CFAP58: variants seen among roughly 807,000 people sequenced by gnomAD.
CFAP58 encodes the protein cilia- and flagella-associated protein 58.
CFAP58 carries 88 observed loss-of-function variants against 119.5 expected under a neutral mutation model. The observed-to-expected ratio is 0.74, with a 90% CI of 0.62 to 0.88. CFAP58 has a LOEUF of 0.88. CFAP58 is among the 40% of genes least tolerant of loss of function. The pLI, the probability that CFAP58 is intolerant of heterozygous loss-of-function variation, is 0.00. For synonymous variants in CFAP58, 365 were observed against 366.3 expected (o/e 1.00, Z 0.04); for missense variants, 990 against 1,021.2 (o/e 0.97, Z 0.42).
intron 7 of CFAP58, 24 bp downstream of exon 7, chr10:104,371,078 C>A: frequency 6.3e-7 from 1 of 1,582,788 alleles, no homozygotes; most frequent in South Asian, 1.2e-5. Flanking sequence ...CGCTTTTATT[C>A]ATTTAGAAAC....
At chr10:104,438,351 T>TG in intron 15 of CFAP58, among the ~76,000 whole-genome samples, 1 of 39,378 alleles carries the variant, frequency 2.5e-5, no homozygotes, top group African/African-American at 1.3e-4. Flanking sequence ...GTTTTTTGTT[T>TG]TTTTTTTTTG....
chr10:104,358,086 CACACATATATATGTACATATAT>C (rs761456865), intron 1 of CFAP58, among the ~76,000 whole-genome samples: 86 of 136,948 alleles, frequency 6.3e-4, no homozygotes, highest in Admixed American at 1.4e-3. Context: ...CATATATATA[CACACATATATATGTACATATAT>C]ACACATATAT....
At chr10:104,432,401 AG>A (rs2012863064) in intron 15 of CFAP58, among the ~76,000 whole-genome samples, 1 of 152,264 alleles carries the variant, frequency 6.6e-6, no homozygotes, top group Admixed American at 6.5e-5. Context: ...AGTAATCAAA[AG>A]AGTGAAAATT....
intron 17 of CFAP58, among the ~76,000 whole-genome samples, chr10:104,451,959 G>A (rs931720858): frequency 6.6e-6 from 1 of 151,110 alleles, no homozygotes; most frequent in Non-Finnish European, 1.5e-5. Context: ...GGCTGGTCTC[G>A]AATTCCTGGC....
At chr10:104,405,929 C>A (rs1421539895) in intron 14 of CFAP58, among the ~76,000 whole-genome samples, 2 of 152,092 alleles carry the variant, frequency 1.3e-5, no homozygotes, top group East Asian at 3.9e-4. Flanking sequence ...TCTAGTGAGA[C>A]CCTGTCTTCA....
At chr10:104,406,084 G>A (rs1314059820) in intron 14 of CFAP58, among the ~76,000 whole-genome samples, 1 of 152,194 alleles carries the variant, frequency 6.6e-6, no homozygotes, top group African/African-American at 2.4e-5. Context: ...GCAACAGAGT[G>A]AGACCCTGTC....
intron 15 of CFAP58, among the ~76,000 whole-genome samples, chr10:104,407,544 CTGATGT>C (rs1048018796): frequency 1.3e-5 from 2 of 152,096 alleles, no homozygotes; most frequent in African/African-American, 4.8e-5. Flanking sequence ...TTCATTGCAC[CTGATGT>C]TCTTAGTCTG....
At chr10:104,451,818 T>C (rs2013199262) in intron 17 of CFAP58, among the ~76,000 whole-genome samples, 1 of 152,122 alleles carries the variant, frequency 6.6e-6, no homozygotes, top group Admixed American at 6.5e-5. Context: ...TCACTCTGTC[T>C]CCGGGGTTGA....
rs17117025 is a variant in CFAP58, at chr10:104,428,675, C to G, written c.2257-19023C>G. On this transcript the variant is annotated intron_variant, in intron 15 of 17. Transcript: ENST00000369704. ...ATAGGAATGCATGTTTGTGGATATG[C>G]CTGGGGATAGTATGTGTGGTTTCAT... Among the ~76,000 whole-genome samples the G allele has an allele frequency of 1.3e-3, 193 of 152,202 alleles. 5 individuals are homozygous for G. The East Asian group carries it at 0.03, about 24-fold the overall frequency.
intron 9 of CFAP58, among the ~76,000 whole-genome samples, chr10:104,389,617 A>C (rs918764716): frequency 1.3e-5 from 2 of 152,178 alleles, no homozygotes; most frequent in East Asian, 1.9e-4. Flanking sequence ...GGTTATATCC[A>C]TTCCTTGATT....
intron 15 of CFAP58, among the ~76,000 whole-genome samples, chr10:104,411,851 T>G (rs557508267): frequency 1.3e-5 from 2 of 152,106 alleles, no homozygotes; most frequent in Non-Finnish European, 2.9e-5. Context: ...CTATTGTATC[T>G]TTTTGCCAAG....
chr10:104,394,166 C>T (rs974452871), intron 11 of CFAP58, among the ~76,000 whole-genome samples: 5 of 152,218 alleles, frequency 3.3e-5, no homozygotes, highest in African/African-American at 1.2e-4. Flanking sequence ...AATAATTATG[C>T]CATTTTAAAT....
At chr10:104,418,188 C>T (rs888905873) in intron 15 of CFAP58, among the ~76,000 whole-genome samples, 3 of 152,162 alleles carry the variant, frequency 2.0e-5, no homozygotes, top group African/African-American at 7.2e-5. Context: ...CTGAATAGCT[C>T]ACAAAGCTGG....
rs1300065314 is a variant in CFAP58, at chr10:104,447,747, C to A, written c.2306C>A (p.Pro769His). 1 of 1,614,082 alleles carries A rather than the reference C, an allele frequency of 6.2e-7. No individual in the cohort carries two copies. Among genetic ancestry groups the A allele is most frequent in the African/African-American group, 1.3e-5 (1 of 74,936 alleles). ...CTAAAGCACGTCTTGGCCCGCCAGCCTGGACCTGAGGCTGCGGAACAGCTG... is the reference window on the plus strand; with the variant it reads ...CTAAAGCACGTCTTGGCCCGCCAGCATGGACCTGAGGCTGCGGAACAGCTG... ...MELKHVLARQPGPEAAEQLKL... is the reference protein window; with the variant it reads ...MELKHVLARQHGPEAAEQLKL... Residue 769 changes from proline to histidine, a missense_variant, in exon 16 of 18, where the codon CCT becomes CAT. Physicochemically the swap from Pro to His is moderately conservative, Grantham distance 77. Coordinates refer to ENST00000369704, the MANE Select transcript of CFAP58 (RefSeq NM_001008723.2).
At chr10:104,394,500 A>G (rs2012113327) in intron 11 of CFAP58, among the ~76,000 whole-genome samples, 1 of 152,238 alleles carries the variant, frequency 6.6e-6, no homozygotes, top group Non-Finnish European at 1.5e-5. Context: ...CTAGATTCTA[A>G]GATACCATAG....
chr10:104,344,510 A>G, the CFAP58 span, among the ~76,000 whole-genome samples: 1 of 152,210 alleles, frequency 6.6e-6, no homozygotes, highest in Non-Finnish European at 1.5e-5. Flanking sequence ...TAGCTGCCAC[A>G]GAGACCATGT....
chr10:104,435,854 G>C (rs1325059224), intron 15 of CFAP58, among the ~76,000 whole-genome samples: 1 of 152,138 alleles, frequency 6.6e-6, no homozygotes, highest in Non-Finnish European at 1.5e-5. Flanking sequence ...TTTGTCAAAA[G>C]GATGCCCTGT....
rs1342749752 is a variant in CFAP58 at position 104,380,021 on chromosome 10, ATTTTTAGAACATGC to A, written c.1174-5_1182del. ...AGTAATGTGACTGCTTTGTGCCCTTATTTTTAGAACATGCTTAAGGCGGTCAATGCGACCCAGAA... is the reference window on the plus strand; with the variant it reads ...AGTAATGTGACTGCTTTGTGCCCTTATTAAGGCGGTCAATGCGACCCAGAA... On this transcript the variant is annotated splice_acceptor_variant and splice_polypyrimidine_tract_variant and coding_sequence_variant and intron_variant, in exon 9 of 18. Coordinates refer to ENST00000369704, the MANE Select transcript of CFAP58 (RefSeq NM_001008723.2). LOFTEE classifies it high-confidence loss of function. 1.2e-6 allele frequency: 2 copies of A among 1,609,440 alleles called. No individual in the cohort carries two copies. The highest frequency in any genetic ancestry group is 1.7e-6 in the Non-Finnish European group (2 of 1,178,130).
the CFAP58 span, among the ~76,000 whole-genome samples, chr10:104,343,988 C>T: frequency 2.6e-5 from 4 of 152,232 alleles, no homozygotes; most frequent in African/African-American, 9.6e-5. Flanking sequence ...AGTGATCCTC[C>T]TTCCTCGGCC....
Sources: allele counts gnomAD v4.1 joint callset (sites outside exome capture counted in the v4.1 genomes callset), GRCh38; gene constraint gnomAD v4.1.1; transcripts MANE v1.5; gene names NCBI Gene and HGNC (gene_info 2026-07-23, HGNC 2026-07-21).